The following FNIP1 variants were observed in gnomAD, a reference collection of about 807,000 sequenced individuals.
FNIP1 encodes the protein folliculin-interacting protein 1.
Under a neutral mutation model 124.5 loss-of-function variants are expected in FNIP1, and 40 were observed. The observed-to-expected ratio is 0.32, with a 90% CI of 0.25 to 0.42. The LOEUF (loss-of-function observed/expected upper bound fraction) is 0.42. Among genes scored for constraint, FNIP1 ranks in the 10% least tolerant of loss-of-function variants. The pLI is 1.00. For missense variants in FNIP1, 1,176 were observed against 1,403.7 expected (o/e 0.84, Z 2.59); for synonymous variants, 472 against 470.6 (o/e 1.00, Z -0.04).
At chr5:131,707,327 T>C (rs1041442818) in intron 8 of FNIP1, among the ~76,000 whole-genome samples, 1 of 152,248 alleles carries the variant, frequency 6.6e-6, no homozygotes, top group African/African-American at 2.4e-5. Context: ...TTGCTTTTGT[T>C]TGGCAATATT....
chr5:131,645,122 C>T (rs1766829684), intron 17 of FNIP1, among the ~76,000 whole-genome samples: 1 of 151,842 alleles, frequency 6.6e-6, no homozygotes, highest in Non-Finnish European at 1.5e-5. Flanking sequence ...GAGTTGAAGA[C>T]CAACCTAAGC....
At chr5:131,649,369 G>A (rs1257414536) in intron 16 of FNIP1, among the ~76,000 whole-genome samples, 2 of 152,102 alleles carry the variant, frequency 1.3e-5, no homozygotes, top group Admixed American at 6.5e-5. Flanking sequence ...GGTATTGAAT[G>A]GCAGCTCACT....
At chr5:131,734,530 A>G (rs976087302) in intron 2 of FNIP1, among the ~76,000 whole-genome samples, 4 of 152,230 alleles carry the variant, frequency 2.6e-5, no homozygotes, top group African/African-American at 9.6e-5. Flanking sequence ...GGCAACCTAC[A>G]GAATGGGAGA....
chr5:131,785,634 C>T (rs910963991), intron 1 of FNIP1, among the ~76,000 whole-genome samples: 2 of 152,190 alleles, frequency 1.3e-5, no homozygotes, highest in East Asian at 1.9e-4. Context: ...TGGAACTGAT[C>T]GTGTCACAGA....
chr5:131,789,260 G>C (rs72791156), intron 1 of FNIP1, among the ~76,000 whole-genome samples: 10 of 152,064 alleles, frequency 6.6e-5, no homozygotes, highest in African/African-American at 2.4e-4. Context: ...AGGCTGGGAC[G>C]TGTATAATCC....
intron 1 of FNIP1, among the ~76,000 whole-genome samples, chr5:131,752,934 T>G (rs929974733): frequency 1.3e-5 from 2 of 152,006 alleles, no homozygotes; most frequent in Non-Finnish European, 2.9e-5. Context: ...TAGCCAGGTG[T>G]GGTGGTGCAT....
At chr5:131,776,804 G>A (rs1350828234) in intron 1 of FNIP1, among the ~76,000 whole-genome samples, 1 of 152,194 alleles carries the variant, frequency 6.6e-6, no homozygotes, top group Non-Finnish European at 1.5e-5. Flanking sequence ...GTAGGTTCCA[G>A]GACACTGGTA....
intron 15 of FNIP1, among the ~76,000 whole-genome samples, chr5:131,656,734 AT>A (rs1439167369): frequency 6.6e-6 from 1 of 152,192 alleles, no homozygotes; most frequent in Admixed American, 6.5e-5. Context: ...ACAGGTTTTT[AT>A]TGCTGATGAA....
intron 6 of FNIP1, among the ~76,000 whole-genome samples, chr5:131,715,994 C>G (rs762977998): frequency 6.6e-6 from 1 of 152,078 alleles, no homozygotes; most frequent in Non-Finnish European, 1.5e-5. Context: ...GTTGAGCTGT[C>G]TAGAAAAAAT....
intron 1 of FNIP1, among the ~76,000 whole-genome samples, chr5:131,755,258 T>C (rs1241750160): frequency 6.6e-6 from 1 of 151,810 alleles, no homozygotes; most frequent in Non-Finnish European, 1.5e-5. Flanking sequence ...CCATCTCTAC[T>C]AAAAATACAA....
chr5:131,646,961 TA>T, intron 17 of FNIP1, 128 bp downstream of exon 17: 1 of 751,708 alleles, frequency 1.3e-6, no homozygotes, highest in Non-Finnish European at 2.3e-6. Context: ...CAGGGCAACC[TA>T]AATGATAACA....
rs184658341 is a variant in FNIP1, at chr5:131,785,469, C to T, written c.92+11361G>A. Among the ~76,000 whole-genome samples the T allele has an allele frequency of 3.9e-5, 6 of 151,978 alleles. No homozygotes were observed. In the East Asian group the frequency reaches 1.2e-3, roughly 29 times the overall value. ...ACTCAGGAGGCTGAGGCAGGAGAAT[C>T]ACTTGAACCCGGGAGGCGGAGGTTG... On this transcript the variant is annotated intron_variant, in intron 1 of 17. Coordinates refer to ENST00000510461, the MANE Select transcript of FNIP1 (RefSeq NM_133372.3).
At chr5:131,745,486 C>T (rs1434021238) in intron 1 of FNIP1, among the ~76,000 whole-genome samples, 2 of 152,002 alleles carry the variant, frequency 1.3e-5, no homozygotes, top group African/African-American at 4.8e-5. Flanking sequence ...TGCCACTGTA[C>T]TCCACCCTGG....
At chr5:131,753,221 A>G (rs999207202) in intron 1 of FNIP1, among the ~76,000 whole-genome samples, 1 of 152,252 alleles carries the variant, frequency 6.6e-6, no homozygotes, top group African/African-American at 2.4e-5. Flanking sequence ...GTAAAAGTGT[A>G]CAACCATTTT....
chr5:131,730,921 G>T lies in FNIP1; in HGVS notation c.337C>A (p.Gln113Lys). The T allele has an allele frequency of 6.2e-7, 1 of 1,604,360 alleles. No homozygotes were observed. Among genetic ancestry groups the T allele is most frequent in the Non-Finnish European group, 8.5e-7 (1 of 1,176,058 alleles). Residue 113 changes from glutamine to lysine, a missense_variant, in exon 3 of 18, where the codon CAG becomes AAG. Physicochemically the swap from Gln to Lys is moderately conservative, Grantham distance 53 (BLOSUM62 1). This residue lies in a region of FNIP1 where 1,109 missense variants were observed against 1,288.5 expected (regional missense o/e 0.86). Transcript: ENST00000510461. ...GATCTTACCTGGTACTTAAGACACT[G>T]GTCTTTTATATCAGAAGATGAAGTC... ...SVTSSSDIKD[Q>K]CLKYQGSRCS...
At chr5:131,708,766 A>G (rs1769196247) in intron 8 of FNIP1, among the ~76,000 whole-genome samples, 2 of 152,094 alleles carry the variant, frequency 1.3e-5, no homozygotes, top group African/African-American at 4.8e-5. Context: ...TAGACCTACA[A>G]ATTTTGGACA....
intron 11 of FNIP1, among the ~76,000 whole-genome samples, chr5:131,683,619 T>C (rs1322583752): frequency 6.6e-6 from 1 of 152,044 alleles, no homozygotes; most frequent in African/African-American, 2.4e-5. Context: ...AAATACTATG[T>C]TAATAATTGT....
At chr5:131,775,256 T>A (rs1309432349) in intron 1 of FNIP1, among the ~76,000 whole-genome samples, 2 of 152,060 alleles carry the variant, frequency 1.3e-5, no homozygotes. Flanking sequence ...ACAACAGAGC[T>A]TTTTTTGCCC....
chr5:131,753,907 G>A (rs1373289304), intron 1 of FNIP1, among the ~76,000 whole-genome samples: 2 of 151,618 alleles, frequency 1.3e-5, no homozygotes, highest in Non-Finnish European at 2.9e-5. Context: ...TCCACCTCCC[G>A]GGTTCAAGCA....
Sources: allele counts gnomAD v4.1 joint callset (sites outside exome capture counted in the v4.1 genomes callset), GRCh38; gene constraint gnomAD v4.1.1; regional missense constraint gnomAD v4.1.1; transcripts MANE v1.5; gene names NCBI Gene and HGNC (gene_info 2026-07-23, HGNC 2026-07-21).